The following TENM2 variants were observed in gnomAD, a reference collection of about 807,000 sequenced individuals.
TENM2 encodes the protein teneurin transmembrane protein 2, also known as teneurin-2.
TENM2 carries 52 observed loss-of-function variants against 245.2 expected under a neutral mutation model. The observed-to-expected ratio is 0.21, with a 90% CI of 0.17 to 0.27. TENM2 has a LOEUF of 0.27. Ranked by LOEUF, TENM2 falls within the 10% of genes least tolerant of loss-of-function variation. TENM2 has a pLI of 1.00. For synonymous variants in TENM2, 1,363 were observed against 1,438.9 expected (o/e 0.95, Z 1.19); for missense variants, 3,046 against 3,666.8 (o/e 0.83, Z 4.37).
intron 2 of TENM2, among the ~76,000 whole-genome samples, chr5:167,626,935 G>T (rs117658600): frequency 1.3e-5 from 2 of 152,234 alleles, no homozygotes; most frequent in East Asian, 1.9e-4. Context: ...ACGCTTTCCC[G>T]AAGACAATGA....
At chr5:167,085,661 A>G in the TENM2 span, among the ~76,000 whole-genome samples, 1 of 152,194 alleles carries the variant, frequency 6.6e-6, no homozygotes, top group African/African-American at 2.4e-5. Context: ...AAGAAGTCTG[A>G]TTCAAAAGCT....
chr5:167,981,597 C>T (rs1458140134), intron 4 of TENM2, among the ~76,000 whole-genome samples: 1 of 152,190 alleles, frequency 6.6e-6, no homozygotes, highest in Non-Finnish European at 1.5e-5. Context: ...GTCTCTCCTA[C>T]CCTAGTAATT....
intron 13 of TENM2, among the ~76,000 whole-genome samples, chr5:168,166,585 C>T (rs1758327019): frequency 1.3e-5 from 2 of 152,176 alleles, no homozygotes; most frequent in African/African-American, 2.4e-5. Flanking sequence ...CCTAGAGCTC[C>T]TGATTCTCTA....
At chr5:167,418,245 C>T (rs1158651437) in intron 2 of TENM2, among the ~76,000 whole-genome samples, 2 of 151,570 alleles carry the variant, frequency 1.3e-5, no homozygotes, top group South Asian at 2.1e-4. Flanking sequence ...GGGAGAATTG[C>T]TTGAACCCCG....
chr5:167,618,861 A>G (rs552035514), intron 2 of TENM2, among the ~76,000 whole-genome samples: 2 of 152,170 alleles, frequency 1.3e-5, no homozygotes, highest in East Asian at 3.9e-4. Context: ...CTCCCCGCAA[A>G]AAGAGTTTCT....
the TENM2 span, among the ~76,000 whole-genome samples, chr5:167,193,981 G>A: frequency 5.3e-5 from 8 of 152,040 alleles, no homozygotes; most frequent in East Asian, 1.9e-4. Context: ...CACTTTGCCC[G>A]AGATTACTGG....
intron 23 of TENM2, among the ~76,000 whole-genome samples, chr5:168,219,824 CAAAA>C (rs70976468): frequency 4.0e-5 from 2 of 49,816 alleles, no homozygotes; most frequent in Non-Finnish European, 6.7e-5. Context: ...GTTGGCACAG[CAAAA>C]AAAAAAAAAA....
At chr5:167,644,315 C>T (rs1020287587) in intron 2 of TENM2, among the ~76,000 whole-genome samples, 1 of 152,194 alleles carries the variant, frequency 6.6e-6, no homozygotes, top group Admixed American at 6.5e-5. Context: ...CAACCTGAGT[C>T]CCTTGTTATT....
the TENM2 span, among the ~76,000 whole-genome samples, chr5:167,059,911 C>T: frequency 3.3e-5 from 5 of 152,140 alleles, no homozygotes; most frequent in South Asian, 8.3e-4. Flanking sequence ...ACCATGTTGC[C>T]AGGCTGTTCT....
intron 2 of TENM2, among the ~76,000 whole-genome samples, chr5:167,537,232 T>C (rs1582322935): frequency 8.0e-6 from 1 of 125,380 alleles, no homozygotes; most frequent in East Asian, 2.3e-4. Context: ...GGCAATATAG[T>C]GAGACCCCCA....
chr5:167,798,966 G>A (rs918405703), intron 2 of TENM2, among the ~76,000 whole-genome samples: 9 of 152,266 alleles, frequency 5.9e-5, no homozygotes, highest in South Asian at 4.1e-4. Context: ...CTGCACTGCC[G>A]TCCATGAACA....
chr5:168,186,456 C>T (rs1260551191), intron 13 of TENM2: 1 of 152,122 alleles, frequency 6.6e-6, no homozygotes, highest in South Asian at 2.1e-4. Flanking sequence ...ATTTAGCGTC[C>T]GTTCTGACAG....
intron 5 of TENM2, among the ~76,000 whole-genome samples, chr5:168,011,855 A>G (rs965439787): frequency 1.3e-5 from 2 of 152,260 alleles, no homozygotes; most frequent in Non-Finnish European, 2.9e-5. Context: ...CCATTTATGA[A>G]AAACCTACTA....
At chr5:168,105,247 C>A (rs1323662112) in intron 9 of TENM2, among the ~76,000 whole-genome samples, 3 of 152,184 alleles carry the variant, frequency 2.0e-5, no homozygotes, top group Non-Finnish European at 4.4e-5. Flanking sequence ...GGAGCCACAG[C>A]ACACATGCAG....
the TENM2 span, among the ~76,000 whole-genome samples, chr5:167,182,485 G>C: frequency 2.6e-5 from 4 of 152,050 alleles, no homozygotes; most frequent in Non-Finnish European, 4.4e-5. Flanking sequence ...GTGATTAGAT[G>C]AATTTATACT....
intron 2 of TENM2, among the ~76,000 whole-genome samples, chr5:167,502,453 T>C (rs998076441): frequency 1.3e-5 from 2 of 152,184 alleles, no homozygotes; most frequent in Middle Eastern, 3.2e-3. Context: ...TCTGTTTATT[T>C]GCCTCATTTT....
chr5:168,070,882 A>G (rs1404969861), intron 7 of TENM2, among the ~76,000 whole-genome samples: 1 of 150,672 alleles, frequency 6.6e-6, no homozygotes, highest in Non-Finnish European at 1.5e-5. Flanking sequence ...GAAGAAAGAA[A>G]GGAAGAAGAG....
At chr5:168,109,474 G>A (rs1794502239) in intron 9 of TENM2, among the ~76,000 whole-genome samples, 1 of 152,154 alleles carries the variant, frequency 6.6e-6, no homozygotes, top group Non-Finnish European at 1.5e-5. Flanking sequence ...CAAGACCCTT[G>A]CCCAGGTATG....
In TENM2 at chr5:168,247,790, G is replaced by A; in HGVS notation, c.6851G>A (p.Gly2284Asp). 6.2e-7 allele frequency: 1 copy of A among 1,613,924 alleles called. No individual in the cohort carries two copies. Among genetic ancestry groups the A allele is most frequent in the Middle Eastern group, 1.6e-4 (1 of 6,062 alleles). Residue 2284 changes from glycine to aspartate, a missense_variant, in exon 27 of 29, where the codon GGC becomes GAC. Coordinates refer to ENST00000518659, the Ensembl canonical transcript of TENM2. This position sits in a 1 kb window ranked among gnomAD's most constrained non-coding sequence, Gnocchi z 7.8. ...GACATCTTCGAATACAATTCCAAGGGCCTCCTAACAAGAGCCTACAACAAG... is the reference window on the plus strand; with the variant it reads ...GACATCTTCGAATACAATTCCAAGGACCTCCTAACAAGAGCCTACAACAAG...
Sources: gnomAD v4.1 joint callset for allele counts (sites outside exome capture counted in the v4.1 genomes callset) on GRCh38, gnomAD v4.1.1 for gene constraint, Gnocchi (gnomAD v3.1) non-coding constraint, MANE v1.5 for transcripts, NCBI Gene and HGNC (gene_info 2026-07-23, HGNC 2026-07-21) for gene names.